Variants in MAGI2 observed in about 807,000 individuals in gnomAD.
The protein encoded by MAGI2 is membrane-associated guanylate kinase, WW and PDZ domain-containing protein 2.
Under a neutral mutation model 133.3 loss-of-function variants are expected in MAGI2, and 35 were observed. That is an observed-to-expected ratio of 0.26 (90% CI 0.20 to 0.35). The LOEUF is 0.35. Among genes scored for constraint, MAGI2 ranks in the 10% least tolerant of loss-of-function variants. The pLI is 1.00. For synonymous variants in MAGI2, 729 were observed against 710.6 expected (o/e 1.03, Z -0.41); for missense variants, 1,636 against 1,863.4 (o/e 0.88, Z 2.25).
At chr7:78,242,363 C>T (rs1791247396) in intron 10 of MAGI2, among the ~76,000 whole-genome samples, 1 of 152,184 alleles carries the variant, frequency 6.6e-6, no homozygotes, top group Non-Finnish European at 1.5e-5. Flanking sequence ...GGGAGGTGCT[C>T]AGGAGATCTG....
chr7:79,035,530 T>C, intron 1 of MAGI2, among the ~76,000 whole-genome samples: 1 of 152,164 alleles, frequency 6.6e-6, no homozygotes, highest in South Asian at 2.1e-4. Flanking sequence ...TTATGTAGTC[T>C]TTCTAAAAAT....
At chr7:78,679,100 T>G (rs1260644910) in intron 2 of MAGI2, among the ~76,000 whole-genome samples, 2 of 152,146 alleles carry the variant, frequency 1.3e-5, no homozygotes, top group Non-Finnish European at 2.9e-5. Flanking sequence ...TGTGTCTACT[T>G]TGCCCTCACC....
intron 16 of MAGI2, among the ~76,000 whole-genome samples, chr7:78,149,989 C>G (rs1047782399): frequency 6.6e-6 from 1 of 152,166 alleles, no homozygotes; most frequent in Admixed American, 6.5e-5. Flanking sequence ...TGACTCATCA[C>G]CCAGAAAAGG....
intron 2 of MAGI2, among the ~76,000 whole-genome samples, chr7:78,714,124 A>G (rs983582727): frequency 6.6e-6 from 1 of 152,032 alleles, no homozygotes; most frequent in Non-Finnish European, 1.5e-5. Flanking sequence ...AAATATGAAT[A>G]GTGTACATAA....
intron 9 of MAGI2, among the ~76,000 whole-genome samples, chr7:78,296,941 G>C (rs1797310274): frequency 6.6e-6 from 1 of 152,198 alleles, no homozygotes. Context: ...TTGAGGAGAA[G>C]TCATGTGCTA....
At chr7:78,462,914 T>C (rs1407311299) in intron 6 of MAGI2, among the ~76,000 whole-genome samples, 1 of 152,190 alleles carries the variant, frequency 6.6e-6, no homozygotes, top group Admixed American at 6.5e-5. Context: ...CTGCTCTCAT[T>C]CAGCACACGC....
intron 1 of MAGI2, among the ~76,000 whole-genome samples, chr7:79,200,783 G>A (rs1828545232): frequency 6.6e-6 from 1 of 151,836 alleles, no homozygotes; most frequent in Non-Finnish European, 1.5e-5. Context: ...CTGACTCCCA[G>A]CCCTTCCCAC....
At chr7:79,134,186 G>C (rs1274823485) in intron 1 of MAGI2, among the ~76,000 whole-genome samples, 1 of 152,068 alleles carries the variant, frequency 6.6e-6, no homozygotes, top group African/African-American at 2.4e-5. Context: ...GGTCCTCTAG[G>C]TACCTACTTT....
chr7:79,108,898 CT>C (rs1196062761), intron 1 of MAGI2, among the ~76,000 whole-genome samples: 2 of 152,240 alleles, frequency 1.3e-5, no homozygotes, highest in Admixed American at 6.5e-5. Flanking sequence ...TCTATGCCCC[CT>C]ATTCTCTCTT....
At chr7:78,934,454 G>A (rs913434327) in intron 2 of MAGI2, among the ~76,000 whole-genome samples, 1 of 152,020 alleles carries the variant, frequency 6.6e-6, no homozygotes, top group Non-Finnish European at 1.5e-5. Context: ...TTTACTGTAA[G>A]TACTTATGTG....
Position 79,198,413 on chromosome 7 carries a change from GA to G in MAGI2, c.302-191208del, listed in dbSNP as rs925415709. Among the ~76,000 whole-genome samples the G allele has an allele frequency of 1.4e-3, 213 of 147,746 alleles. 2 individuals carry two copies. Among genetic ancestry groups the G allele is most frequent in the African/African-American group, 4.5e-3 (182 of 40,106 alleles). Reference sequence around the variant, plus strand: ...ATTTGCACACAAACATGATATGACTGAAAAAAAAAATGCCCTTCAATAGCAT... The same window carrying G: ...ATTTGCACACAAACATGATATGACTGAAAAAAAAATGCCCTTCAATAGCAT... On this transcript the variant is annotated intron_variant, in intron 1 of 21. Transcript: ENST00000354212.
chr7:78,499,156 A>G (rs182597441), intron 5 of MAGI2, among the ~76,000 whole-genome samples: 425 of 152,274 alleles, frequency 2.8e-3, no homozygotes, highest in Admixed American at 8.0e-3. Context: ...AGATTTACCA[A>G]CTAATACATA....
At chr7:78,319,810 A>C (rs1240038699) in intron 9 of MAGI2, among the ~76,000 whole-genome samples, 1 of 152,194 alleles carries the variant, frequency 6.6e-6, no homozygotes, top group Non-Finnish European at 1.5e-5. Flanking sequence ...AAACACAAAA[A>C]ACCCTTCAAA....
chr7:78,750,244 G>A (rs140642192), intron 2 of MAGI2, among the ~76,000 whole-genome samples: 6,241 of 152,212 alleles, frequency 0.041, 176 homozygotes, highest in Non-Finnish European at 0.061. Context: ...GTATTCCATG[G>A]TGTATATGTG....
chr7:79,060,962 G>A (rs1270489401), intron 1 of MAGI2, among the ~76,000 whole-genome samples: 3 of 152,114 alleles, frequency 2.0e-5, no homozygotes, highest in Non-Finnish European at 4.4e-5. Context: ...TCTGAGATGA[G>A]TTTTAAGGGA....
chr7:78,622,124 G>A (rs557735960), intron 3 of MAGI2, among the ~76,000 whole-genome samples: 2 of 151,986 alleles, frequency 1.3e-5, no homozygotes, highest in Non-Finnish European at 1.5e-5. Context: ...AAGCATTTCA[G>A]ATGAGCAAGA....
intron 2 of MAGI2, among the ~76,000 whole-genome samples, chr7:78,955,765 C>CA (rs1286943752): frequency 1.4e-5 from 1 of 69,502 alleles, no homozygotes; most frequent in African/African-American, 4.6e-5. Context: ...TTCTTTCTTT[C>CA]TTTCTTTCTT....
intron 7 of MAGI2, among the ~76,000 whole-genome samples, chr7:78,348,960 G>C (rs1181794619): frequency 6.6e-6 from 1 of 152,176 alleles, no homozygotes; most frequent in Non-Finnish European, 1.5e-5. Context: ...GAGTATTTAA[G>C]ATGCACCGAA....
At chr7:78,783,516 C>A (rs756240674) in intron 2 of MAGI2, among the ~76,000 whole-genome samples, 2 of 152,166 alleles carry the variant, frequency 1.3e-5, no homozygotes, top group Non-Finnish European at 2.9e-5. Context: ...ATTTACTATG[C>A]TATTTTGGAA....
Sources: gnomAD v4.1 joint callset for allele counts (sites outside exome capture counted in the v4.1 genomes callset) on GRCh38, gnomAD v4.1.1 for gene constraint, MANE v1.5 for transcripts, NCBI Gene and HGNC (gene_info 2026-07-23, HGNC 2026-07-21) for gene names.